Variants in SPG7 observed in about 807,000 individuals in gnomAD.
SPG7 encodes the protein SPG7 matrix AAA peptidase subunit, paraplegin, also known as mitochondrial inner membrane m-AAA protease component paraplegin.
Under a neutral mutation model 81.9 loss-of-function variants are expected in SPG7, and 103 were observed. The ratio of observed to expected loss-of-function variants is 1.26; its 90% CI spans 1.07 to 1.48. The LOEUF is 1.48. Among genes scored for constraint, SPG7 ranks in the 40% most tolerant of loss-of-function variants. SPG7 has a pLI of 0.00. For missense variants in SPG7, 1,241 were observed against 1,087.3 expected, an observed-to-expected ratio of 1.14 and a Z score of -1.99; for synonymous variants, 534 against 444.2, an observed-to-expected ratio of 1.20 and a Z score of -2.54.
At chr16:89,550,390 C>T in intron 12 of SPG7, 104 bp from the exon 13 acceptor site, 2 of 808,810 alleles carry the variant, frequency 2.5e-6, no homozygotes, top group South Asian at 1.3e-5. Flanking sequence ...TCGGGCTGGT[C>T]TCGAACTCCT....
In SPG7 at chr16:89,550,586, G is replaced by C. The variant is rs1035143808; in HGVS notation, c.1756G>C (p.Glu586Gln). 6.2e-7 allele frequency: 1 copy of C among 1,613,604 alleles called. No individual in the cohort carries two copies. Among genetic ancestry groups the C allele is most frequent in the Non-Finnish European group, 8.5e-7 (1 of 1,179,758 alleles). Residue 586 changes from glutamate (E) to glutamine (Q), a missense_variant, in exon 13 of 17, where the codon GAG (glutamate) becomes CAG (glutamine). Transcript: ENST00000645818. ...SGHALVGWMLEHTEAVMKVSI... is the reference protein window; with the variant it reads ...SGHALVGWMLQHTEAVMKVSI... ...CCACGCCTTGGTGGGCTGGATGCTG[G>C]AGCACACGGAGGCCGTGATGAAGGT...
chr16:89,536,914 T>TA, intron 9 of SPG7: 1 of 1,614,188 alleles, frequency 6.2e-7, no homozygotes, highest in South Asian at 1.1e-5. Flanking sequence ...GCACTGAAGA[T>TA]AGAGACCACC....
At chr16:89,511,161 T>TTG (rs1357412477) in intron 2 of SPG7, among the ~76,000 whole-genome samples, 2 of 152,194 alleles carry the variant, frequency 1.3e-5, no homozygotes, top group Non-Finnish European at 2.9e-5. Context: ...TTAAAAAAAA[T>TTG]TCTGCTGTAT....
chr16:89,535,873 TTCACTGTGGCCTCTCTGGTGCTGTGTGG>T (rs2058407964), intron 9 of SPG7, among the ~76,000 whole-genome samples: 1 of 144,658 alleles, frequency 6.9e-6, no homozygotes, highest in African/African-American at 2.5e-5. Context: ...CTGTGTGGCC[TTCACTGTGGCCTCTCTGGTGCTGTGTGG>T]CCTTCACTGT....
intron 13 of SPG7, chr16:89,551,153 C>G (rs1300643731): frequency 1.1e-5 from 2 of 187,688 alleles, no homozygotes; most frequent in Admixed American, 5.3e-5. Flanking sequence ...TACAGCTTCT[C>G]TAAGACGTGG....
chr16:89,515,378 C>A (rs542014333), intron 3 of SPG7, among the ~76,000 whole-genome samples: 1 of 151,730 alleles, frequency 6.6e-6, no homozygotes, highest in African/African-American at 2.4e-5. Flanking sequence ...AAGCGATTCT[C>A]CTGCCTCAGC....
intron 9 of SPG7, chr16:89,543,835 T>G (rs1413868524): frequency 6.6e-6 from 1 of 151,924 alleles, no homozygotes; most frequent in African/African-American, 2.4e-5. Flanking sequence ...TTGTATCTTT[T>G]GTGGGGTTTC....
chr16:89,514,586 C>CG, intron 3 of SPG7: 1 of 151,992 alleles, frequency 6.6e-6, no homozygotes, highest in Non-Finnish European at 1.5e-5. Flanking sequence ...CTGCAAGCTC[C>CG]ACTTCCTGGG....
At chr16:89,523,823 G>C (rs924434876) in intron 3 of SPG7, 183 bp from the exon 4 acceptor site, 1 of 828,492 alleles carries the variant, frequency 1.2e-6, no homozygotes, top group African/African-American at 1.7e-5. Flanking sequence ...GGGTGACCTC[G>C]AACAGCACAG....
rs367547417 is a variant in SPG7, at chr16:89,548,229, C to G, written c.1663+116C>G. On this transcript the variant is annotated intron_variant, in intron 12 of 16. Coordinates refer to ENST00000645818, the MANE Select transcript of SPG7 (RefSeq NM_003119.4). ...GAACCATCACACAGGAAGGAACACA[C>G]GTTGCGTTTCAGTTCTGCGTAACTC... is the stretch of plus-strand genomic sequence containing the variant. 1.5e-5 allele frequency: 11 copies of G among 734,208 alleles called. 1 individual carries two copies. The Middle Eastern group carries it at 2.0e-3, about 135-fold the overall frequency. 45.5% of individuals were successfully genotyped at this position (734,208 alleles called of 1,614,324 possible). A position where few individuals can be genotyped will look rare whatever the true frequency, so the allele number is the denominator to read the frequency against.
intron 13 of SPG7, chr16:89,551,045 A>G: frequency 3.8e-6 from 1 of 260,252 alleles, no homozygotes; most frequent in Non-Finnish European, 7.7e-6. Context: ...CCTGGCCAAC[A>G]GGGCAAAACT....
In SPG7 at chr16:89,553,851, T is replaced by A; in HGVS notation, c.1994T>A (p.Phe665Tyr). The A allele has an allele frequency of 6.2e-7, 1 of 1,613,498 alleles. No homozygotes were observed. Among genetic ancestry groups the A allele is most frequent in the Non-Finnish European group, 8.5e-7 (1 of 1,180,016 alleles). Reference sequence around the variant, plus strand: ...ATCGCCTACTCCATGGTGAAGCAGTTTGGGATGGCACCTGGCATCGGGCCC... The same window carrying A: ...ATCGCCTACTCCATGGTGAAGCAGTATGGGATGGCACCTGGCATCGGGCCC... ...TRIAYSMVKQFGMAPGIGPIS... is the reference protein window; with the variant it reads ...TRIAYSMVKQYGMAPGIGPIS... Residue 665 changes from phenylalanine (F) to tyrosine (Y), a missense_variant, in exon 15 of 17, where the codon TTT becomes TAT. By Grantham distance (22) the Phe-to-Tyr change is conservative. Coordinates refer to ENST00000645818, the MANE Select transcript of SPG7 (RefSeq NM_003119.4).
chr16:89,530,297 A>G (rs766992251), intron 6 of SPG7: 9 of 344,820 alleles, frequency 2.6e-5, no homozygotes, highest in Non-Finnish European at 5.1e-5. Context: ...GGTGCCTGCC[A>G]CCACACCCAG....
intron 3 of SPG7, among the ~76,000 whole-genome samples, chr16:89,514,788 G>A (rs1318582758): frequency 2.0e-5 from 3 of 151,960 alleles, no homozygotes; most frequent in South Asian, 4.2e-4. Flanking sequence ...GTGAGCCACC[G>A]CGTCAGGCCC....
chr16:89,534,356 C>T (rs1462238735), intron 9 of SPG7, among the ~76,000 whole-genome samples: 3 of 152,202 alleles, frequency 2.0e-5, no homozygotes, highest in African/African-American at 4.8e-5. Context: ...TGAGGCTGAA[C>T]GATGCTGCCT....
chr16:89,532,859 G>T (rs560348461), intron 9 of SPG7: 130 of 559,804 alleles, frequency 2.3e-4, no homozygotes, highest in African/African-American at 2.2e-3. Flanking sequence ...CAAGACAGGC[G>T]GATCACCAGA....
chr16:89,544,926 C>A, intron 10 of SPG7, 154 bp downstream of exon 10: 1 of 895,934 alleles, frequency 1.1e-6, no homozygotes. Flanking sequence ...GCATCGGCTG[C>A]ACGCCCCCAG....
chr16:89,550,237 A>T (rs766094469), intron 12 of SPG7: 6 of 430,268 alleles, frequency 1.4e-5, no homozygotes, highest in Non-Finnish European at 2.6e-5. Context: ...CAGTGGCATG[A>T]TCTTGCCCTA....
chr16:89,557,576 A>G lies in SPG7; in HGVS notation c.*483A>G, dbSNP rs548134361. ...GCCCTGTCATCCAGCTCACTCATCA[A>G]TGGGGCCAGTCAGGCCCAGGCACTG... On this transcript the variant is annotated 3_prime_UTR_variant, in exon 17 of 17. Coordinates refer to ENST00000645818, the MANE Select transcript of SPG7 (RefSeq NM_003119.4). 9.6e-5 allele frequency: 18 copies of G among 187,248 alleles called. No homozygotes were observed. Among genetic ancestry groups the G allele is most frequent in the East Asian group, 1.3e-4 (1 of 7,752 alleles). The allele number at this position is 187,248 out of a possible 1,614,324, so 11.6% of individuals were successfully genotyped here.
Sources: allele counts gnomAD v4.1 joint callset (sites outside exome capture counted in the v4.1 genomes callset), GRCh38; gene constraint gnomAD v4.1.1; transcripts MANE v1.5; gene names NCBI Gene and HGNC (gene_info 2026-07-23, HGNC 2026-07-21).